The following NEK7 variants were observed in gnomAD, a reference collection of about 807,000 sequenced individuals.
The protein encoded by NEK7 is NIMA related kinase 7.
In NEK7, 18 loss-of-function variants were observed where a neutral mutation model predicts 44.6. That is an observed-to-expected ratio of 0.40 (90% CI 0.28 to 0.60). NEK7 has a LOEUF of 0.60. Ranked by LOEUF, NEK7 falls within the 20% of genes least tolerant of loss-of-function variation. The probability of loss-of-function intolerance (pLI) is 0.38; values close to 1 mark genes in which losing one functional copy is unlikely to be tolerated. For synonymous variants in NEK7, 130 were observed against 121.1 expected, an observed-to-expected ratio of 1.07 and a Z score of -0.48; for missense variants, 256 against 366.5, an observed-to-expected ratio of 0.70 and a Z score of 2.46.
intron 9 of NEK7, among the ~76,000 whole-genome samples, chr1:198,300,857 T>TAGGC (rs1429550355): frequency 6.6e-6 from 1 of 152,234 alleles, no homozygotes; most frequent in African/African-American, 2.4e-5. Flanking sequence ...ACTCACAAGA[T>TAGGC]AGGCCAGAGG....
chr1:198,210,497 T>C (rs10801650), intron 1 of NEK7, among the ~76,000 whole-genome samples: 51,053 of 151,970 alleles, frequency 0.34, 9,815 homozygotes, highest in East Asian at 0.8. Flanking sequence ...TTTTTAAAAA[T>C]GATAAATGCT....
At chr1:198,256,563 T>C in intron 3 of NEK7, 3 of 1,430,102 alleles carry the variant, frequency 2.1e-6, no homozygotes, top group Non-Finnish European at 2.8e-6. Context: ...TCTTGCCTCC[T>C]TCTTCAGTGC....
At chr1:198,249,552 G>T (rs1379789605) in intron 2 of NEK7, among the ~76,000 whole-genome samples, 1 of 152,112 alleles carries the variant, frequency 6.6e-6, no homozygotes, top group African/African-American at 2.4e-5. Context: ...TCCAGCATCT[G>T]TTGTTTCCTT....
chr1:198,191,195 T>A (rs1665063040), intron 1 of NEK7, among the ~76,000 whole-genome samples: 1 of 151,988 alleles, frequency 6.6e-6, no homozygotes, highest in Admixed American at 6.6e-5. Flanking sequence ...TGTATGTCTT[T>A]GTGCATATGT....
At position 198,312,745 on chromosome 1, in the gene NEK7, G is replaced by A. The variant is rs539213999; in HGVS notation, c.799-6667G>A. 4.6e-3 allele frequency among the ~76,000 whole-genome samples: 695 copies of A among 150,912 alleles called. 8 individuals carry two copies. Among genetic ancestry groups the A allele is most frequent in the African/African-American group, 0.016 (673 of 41,162 alleles). On this transcript the variant is annotated intron_variant, in intron 9 of 9. Coordinates refer to ENST00000367385, the MANE Select transcript of NEK7 (RefSeq NM_133494.3). ...TTGTTCAGTTTCCATGTAGTTGAGC[G>A]ATTTTGAGTGAGATTCTTAATCCTG... is the stretch of plus-strand genomic sequence containing the variant.
chr1:198,291,123 G>A (rs913804509), intron 7 of NEK7, among the ~76,000 whole-genome samples: 4 of 152,030 alleles, frequency 2.6e-5, no homozygotes, highest in African/African-American at 9.7e-5. Flanking sequence ...AACCCCTAAT[G>A]TACAGCAGGT....
intron 1 of NEK7, among the ~76,000 whole-genome samples, chr1:198,180,975 G>A (rs1257615574): frequency 6.6e-6 from 1 of 151,950 alleles, no homozygotes; most frequent in African/African-American, 2.4e-5. Flanking sequence ...TATCTATGTG[G>A]AAAAGGTCAA....
chr1:198,174,077 T>G (rs1664529606), intron 1 of NEK7, among the ~76,000 whole-genome samples: 1 of 152,180 alleles, frequency 6.6e-6, no homozygotes, highest in South Asian at 2.1e-4. Context: ...CAGAGTTTGG[T>G]GAGAAAGCTT....
chr1:198,170,160 C>T (rs1470017560), intron 1 of NEK7, among the ~76,000 whole-genome samples: 2 of 152,176 alleles, frequency 1.3e-5, no homozygotes, highest in South Asian at 2.1e-4. Flanking sequence ...ATTCAGGGAT[C>T]TAGTCTGAGA....
At chr1:198,261,042 G>T (rs1388575787) in intron 3 of NEK7, among the ~76,000 whole-genome samples, 1 of 151,948 alleles carries the variant, frequency 6.6e-6, no homozygotes, top group Non-Finnish European at 1.5e-5. Flanking sequence ...CTTATAAGCT[G>T]TAATTTTACA....
rs543951734 is a variant in NEK7, at chr1:198,321,061, A to T, written c.*1539A>T. 1.3e-5 allele frequency: 2 copies of T among 152,338 alleles called. No homozygotes were observed. Among genetic ancestry groups the T allele is most frequent in the African/African-American group, 4.8e-5 (2 of 41,580 alleles). The allele number at this position is 152,338 out of a possible 1,614,324, so 9.4% of individuals were successfully genotyped here. On this transcript the variant is annotated 3_prime_UTR_variant, in exon 10 of 10. Transcript: ENST00000367385. ...CAACCTTGGATGAATTATCCTGCCA[A>T]CGTGAAAACCTCATGTTCAAAGAAC...
At chr1:198,209,169 G>A (rs1452516221) in intron 1 of NEK7, among the ~76,000 whole-genome samples, 1 of 64,512 alleles carries the variant, frequency 1.6e-5, no homozygotes, top group Non-Finnish European at 3.6e-5. Context: ...TTTTTTTTTT[G>A]GTAAAACTCT....
At chr1:198,289,131 TTGTGTGTGTGTGTGTG>T (rs71133921) in intron 7 of NEK7, among the ~76,000 whole-genome samples, 4 of 148,862 alleles carry the variant, frequency 2.7e-5, no homozygotes, top group Non-Finnish European at 4.5e-5. Context: ...TTCCCTGAAG[TTGTGTGTGTGTGTGTG>T]TGTGTGTGTG....
chr1:198,281,518 T>C (rs1431735984), intron 7 of NEK7, among the ~76,000 whole-genome samples: 2 of 152,108 alleles, frequency 1.3e-5, no homozygotes, highest in African/African-American at 4.8e-5. Flanking sequence ...AAGAAAAATC[T>C]GAGTAAGTTT....
intron 1 of NEK7, among the ~76,000 whole-genome samples, chr1:198,215,543 ATTCTTC>A (rs142291475): frequency 3.3e-5 from 5 of 151,806 alleles, no homozygotes; most frequent in Admixed American, 1.3e-4. Flanking sequence ...GCCCAAGACA[ATTCTTC>A]TTCTTCTGTT....
intron 2 of NEK7, among the ~76,000 whole-genome samples, chr1:198,249,339 T>C (rs994739629): frequency 6.6e-5 from 10 of 152,108 alleles, no homozygotes; most frequent in African/African-American, 1.7e-4. Flanking sequence ...GGAATAGTGC[T>C]GCAATAAACA....
intron 2 of NEK7, among the ~76,000 whole-genome samples, chr1:198,238,648 T>A (rs150045355): frequency 3.3e-5 from 5 of 152,200 alleles, no homozygotes; most frequent in Admixed American, 1.3e-4. Context: ...CATTCTTTTT[T>A]ACACATTACA....
rs764000784 is a variant in NEK7 at position 198,234,821 on chromosome 1, G to T, written c.57+2184G>T. Among the ~76,000 whole-genome samples the T allele has an allele frequency of 1.5e-4, 23 of 152,178 alleles. 1 individual carries two copies. Among genetic ancestry groups the T allele is most frequent in the Non-Finnish European group, 3.2e-4 (22 of 68,040 alleles). The stretch of plus-strand genomic sequence containing the variant: ...AGGTTCTAGCTGCCTTGTGGCAGGT[G>T]GGGGAAGGGAGAAGGATTTTTTTCC... On this transcript the variant is annotated intron_variant, in intron 2 of 9. Transcript: ENST00000367385.
intron 1 of NEK7, among the ~76,000 whole-genome samples, chr1:198,184,709 C>T (rs1008303506): frequency 1.9e-4 from 29 of 152,126 alleles, no homozygotes; most frequent in Non-Finnish European, 3.8e-4. Context: ...TGCTGTGTTG[C>T]CCAGGCTGGA....
Sources: allele counts gnomAD v4.1 joint callset (sites outside exome capture counted in the v4.1 genomes callset), GRCh38; gene constraint gnomAD v4.1.1; transcripts MANE v1.5; gene names NCBI Gene and HGNC (gene_info 2026-07-23, HGNC 2026-07-21).